The following HOOK3 variants were observed in gnomAD, a reference collection of about 807,000 sequenced individuals.
The protein encoded by HOOK3 is hook microtubule tethering protein 3.
In HOOK3, 24 loss-of-function variants were observed where a neutral mutation model predicts 116.3. The ratio of observed to expected loss-of-function variants is 0.21; its 90% confidence interval spans 0.15 to 0.29. The LOEUF (loss-of-function observed/expected upper bound fraction) is 0.29. Ranked by LOEUF, HOOK3 falls within the 10% of genes least tolerant of loss-of-function variation. The pLI, the probability that HOOK3 is intolerant of heterozygous loss-of-function variation, is 1.00. For missense variants in HOOK3, 632 were observed against 830.2 expected, an observed-to-expected ratio of 0.76 and a Z score of 2.93; for synonymous variants, 275 against 283.0, an observed-to-expected ratio of 0.97 and a Z score of 0.28.
chr8:42,910,783 A>T (rs1807410941), intron 2 of HOOK3, among the ~76,000 whole-genome samples: 1 of 152,242 alleles, frequency 6.6e-6, no homozygotes, highest in Admixed American at 6.5e-5. Flanking sequence ...AGCCACATAG[A>T]CATGGTGTCC....
intron 4 of HOOK3, among the ~76,000 whole-genome samples, chr8:42,932,888 T>C (rs889946275): frequency 6.6e-6 from 1 of 152,224 alleles, no homozygotes; most frequent in Non-Finnish European, 1.5e-5. Flanking sequence ...TTTATTCTCA[T>C]AGCCCAAGGT....
chr8:42,930,570 A>G (rs375927803), intron 4 of HOOK3, among the ~76,000 whole-genome samples: 13 of 152,350 alleles, frequency 8.5e-5, no homozygotes, highest in African/African-American at 1.4e-4. Flanking sequence ...ACAGTCAGAC[A>G]TTGCTGGGGA....
At chr8:42,950,176 G>T (rs1808313282) in intron 5 of HOOK3, among the ~76,000 whole-genome samples, 1 of 152,114 alleles carries the variant, frequency 6.6e-6, no homozygotes, top group African/African-American at 2.4e-5. Context: ...CTCAACTTTA[G>T]AAGGAATGTT....
At chr8:42,999,493 AT>A (rs899257499) in intron 16 of HOOK3, among the ~76,000 whole-genome samples, 1 of 152,216 alleles carries the variant, frequency 6.6e-6, no homozygotes, top group Admixed American at 6.5e-5. Context: ...CCCAGCAAAT[AT>A]TTTTATGTTT....
intron 15 of HOOK3, among the ~76,000 whole-genome samples, chr8:42,992,977 A>G (rs997278727): frequency 6.6e-6 from 1 of 152,034 alleles, no homozygotes; most frequent in Non-Finnish European, 1.5e-5. Flanking sequence ...ATGTTGAGGT[A>G]TGTTCCTTTT....
intron 19 of HOOK3, among the ~76,000 whole-genome samples, chr8:43,011,090 T>TCC (rs1423899220): frequency 2.6e-5 from 4 of 152,044 alleles, no homozygotes; most frequent in Non-Finnish European, 5.9e-5. Flanking sequence ...CCTCCCGGGT[T>TCC]CACGCCATTC....
intron 1 of HOOK3, among the ~76,000 whole-genome samples, chr8:42,897,559 G>T (rs936774909): frequency 6.6e-6 from 1 of 152,238 alleles, no homozygotes; most frequent in Non-Finnish European, 1.5e-5. Context: ...GCCCGGCTCC[G>T]GCCCGGGAAC....
At chr8:42,930,229 A>T (rs1023650106) in intron 4 of HOOK3, 57 bp downstream of exon 4, 133 of 1,390,082 alleles carry the variant, frequency 9.6e-5, no homozygotes, top group Non-Finnish European at 1.2e-4. Flanking sequence ...GTTTAATTTT[A>T]TAATAGTTTC....
At position 42,959,321 on chromosome 8, in the gene HOOK3, G is replaced by A. The variant is rs755404172; in HGVS notation, c.615+7G>A. 6.3e-7 allele frequency: 1 copy of A among 1,585,338 alleles called. No individual in the cohort carries two copies. The highest frequency in any genetic ancestry group is 8.7e-7 in the Non-Finnish European group (1 of 1,154,124). ...CCATGAACTGGATATGCAGGTAAGA[G>A]ATTTGTTCTGTGCACCACCTCTTTG... On this transcript the variant is annotated splice_region_variant and intron_variant, in intron 8 of 21. Coordinates refer to ENST00000307602, the MANE Select transcript of HOOK3 (RefSeq NM_032410.4).
In HOOK3 at chr8:43,028,934, G is replaced by A. The variant is rs916172429; in HGVS notation, c.*10436G>A. The A allele has an allele frequency of 4.9e-6, 1 of 202,416 alleles. No individual in the cohort carries two copies. Among genetic ancestry groups the A allele is most frequent in the African/African-American group, 2.3e-5 (1 of 43,626 alleles). The allele number at this position is 202,416 out of a possible 1,614,324, so 12.5% of individuals were successfully genotyped here. A position where few individuals can be genotyped will look rare whatever the true frequency, so the allele number is the denominator to read the frequency against. On this transcript the variant is annotated 3_prime_UTR_variant, in exon 22 of 22. Coordinates refer to ENST00000307602, the MANE Select transcript of HOOK3 (RefSeq NM_032410.4). The stretch of plus-strand genomic sequence containing the variant: ...GCAAGTTATGATGATTCTTATTGTA[G>A]TTCAAGTACAGATGAGTAAGTGGTG...
In HOOK3 at chr8:42,938,740, A is replaced by G. The variant is rs550370391; in HGVS notation, c.268-4573A>G. Among the ~76,000 whole-genome samples, 355 of 147,948 alleles carry G rather than the reference A, an allele frequency of 2.4e-3. 2 individuals carry two copies. Among genetic ancestry groups the G allele is most frequent in the Middle Eastern group, 6.8e-3 (2 of 292 alleles). Reference sequence around the variant, plus strand: ...TTTATTTATTTATTTATTTTTATTGATCATTCTTGGGTGTTTCTCGCAGAG... The same window carrying G: ...TTTATTTATTTATTTATTTTTATTGGTCATTCTTGGGTGTTTCTCGCAGAG... On this transcript the variant is annotated intron_variant, in intron 4 of 21. Coordinates refer to ENST00000307602, the MANE Select transcript of HOOK3 (RefSeq NM_032410.4).
intron 2 of HOOK3, among the ~76,000 whole-genome samples, chr8:42,921,315 A>G (rs1346977657): frequency 6.6e-6 from 1 of 152,064 alleles, no homozygotes. Context: ...CACCAGATTC[A>G]TGTGTGAGTC....
At chr8:42,904,332 C>G (rs778036669) in intron 1 of HOOK3, among the ~76,000 whole-genome samples, 4 of 128,234 alleles carry the variant, frequency 3.1e-5, no homozygotes, top group African/African-American at 1.2e-4. Flanking sequence ...TTTTTTGAGA[C>G]GGAGTCTCGC....
intron 2 of HOOK3, among the ~76,000 whole-genome samples, chr8:42,908,369 A>G (rs1013320514): frequency 1.3e-5 from 2 of 152,258 alleles, no homozygotes; most frequent in East Asian, 1.9e-4. Context: ...AATCATGAGA[A>G]AAAGAACAAA....
intron 2 of HOOK3, among the ~76,000 whole-genome samples, chr8:42,922,465 G>A (rs1199220714): frequency 6.6e-6 from 1 of 152,040 alleles, no homozygotes; most frequent in Admixed American, 6.5e-5. Context: ...GTGGGAAGAT[G>A]GCTTGAGCCC....
chr8:43,008,663 AT>A (rs546007965), intron 18 of HOOK3, among the ~76,000 whole-genome samples: 1,795 of 131,406 alleles, frequency 0.014, 18 homozygotes, highest in African/African-American at 0.026. Flanking sequence ...TTTTATTTTT[AT>A]TTTTTTTTTT....
chr8:43,016,180 C>T lies in HOOK3; in HGVS notation c.2017-2178C>T, dbSNP rs536241329. Among the ~76,000 whole-genome samples, 64 of 150,726 alleles carry T rather than the reference C, an allele frequency of 4.2e-4. 1 individual carries two copies. Among genetic ancestry groups the T allele is most frequent in the Middle Eastern group, 7.1e-3 (2 of 280 alleles). On this transcript the variant is annotated intron_variant, in intron 21 of 21. Transcript: ENST00000307602. ...TCGCCCAGGCTGGAGTGCAGTGGCA[C>T]GATCTCGGCTCACTGTAAGCTCCGA...
intron 2 of HOOK3, among the ~76,000 whole-genome samples, chr8:42,909,959 T>A (rs1368023936): frequency 6.6e-6 from 1 of 152,202 alleles, no homozygotes; most frequent in African/African-American, 2.4e-5. Context: ...GAGGAGATGA[T>A]AGTCAGAGGG....
intron 5 of HOOK3, among the ~76,000 whole-genome samples, chr8:42,949,735 T>C (rs1342935010): frequency 6.6e-6 from 1 of 152,058 alleles, no homozygotes; most frequent in South Asian, 2.1e-4. Context: ...CTGGCCAACA[T>C]GGTGAAAACC....
Sources: gnomAD v4.1 joint callset for allele counts (sites outside exome capture counted in the v4.1 genomes callset) on GRCh38, gnomAD v4.1.1 for gene constraint, MANE v1.5 for transcripts, NCBI Gene and HGNC (gene_info 2026-07-23, HGNC 2026-07-21) for gene names.